Variants in AGAP1 observed in about 807,000 individuals in gnomAD.
AGAP1 encodes the protein ArfGAP with GTPase domain, ankyrin repeat and PH domain 1.
Under a neutral mutation model 105.3 loss-of-function variants are expected in AGAP1, and 29 were observed. That is an observed-to-expected ratio of 0.28 (90% confidence interval 0.21 to 0.38). The LOEUF (loss-of-function observed/expected upper bound fraction) is 0.38. Among genes scored for constraint, AGAP1 ranks in the 10% least tolerant of loss-of-function variants. AGAP1 has a pLI of 1.00. For synonymous variants in AGAP1, 509 were observed against 485.9 expected (o/e 1.05, Z -0.63); for missense variants, 998 against 1,165.1 (o/e 0.86, Z 2.09).
At position 236,121,268 on chromosome 2, in the gene AGAP1, C is replaced by T. The variant is rs965592887; in HGVS notation, c.2370+821C>T. Among the ~76,000 whole-genome samples, 3 of 152,212 alleles carry T rather than the reference C, an allele frequency of 2.0e-5. No individual in the cohort carries two copies. The highest frequency in any genetic ancestry group is 7.2e-5 in the African/African-American group (3 of 41,464). On this transcript the variant is annotated intron_variant, in intron 17 of 17. Transcript: ENST00000304032. This position sits in a 1 kb window ranked among gnomAD's most constrained non-coding sequence, Gnocchi z 4.9. ...GTTCTACAGCAGCATGGGTAGAGTG[C>T]AGCAGGTTTCTGCATGTTTTTGATC... is the stretch of plus-strand genomic sequence containing the variant.
At position 235,976,585 on chromosome 2, in the gene AGAP1, A is replaced by G. The variant is rs1575946245; in HGVS notation, c.1645+7962A>G. The stretch of plus-strand genomic sequence containing the variant: ...CCACACACAAACTTAAAGGGGTTAG[A>G]TTCAGGTCCAAAAATGTTCATTGAG... On this transcript the variant is annotated intron_variant, in intron 13 of 17. Transcript: ENST00000304032. This position sits in a 1 kb window ranked among gnomAD's most constrained non-coding sequence, Gnocchi z 4.5. Among the ~76,000 whole-genome samples, 2 of 152,296 alleles carry G rather than the reference A, an allele frequency of 1.3e-5. No homozygotes were observed. The highest frequency in any genetic ancestry group is 1.3e-4 in the Admixed American group (2 of 15,294).
intron 1 of AGAP1, among the ~76,000 whole-genome samples, chr2:235,634,717 C>A (rs1470365546): frequency 6.6e-6 from 1 of 152,122 alleles, no homozygotes; most frequent in Non-Finnish European, 1.5e-5. Flanking sequence ...CATCAGATTT[C>A]TCTGTGTTCT....
intron 8 of AGAP1, among the ~76,000 whole-genome samples, chr2:235,806,534 CTCG>C (rs1356310112): frequency 6.6e-6 from 1 of 152,174 alleles, no homozygotes; most frequent in African/African-American, 2.4e-5. Flanking sequence ...GTGGCAGCCA[CTCG>C]TCGTCCGCAG....
chr2:235,617,241 G>A (rs1295812062), intron 1 of AGAP1, among the ~76,000 whole-genome samples: 7 of 152,144 alleles, frequency 4.6e-5, no homozygotes, highest in Non-Finnish European at 8.8e-5. Context: ...AGGTTAAAAT[G>A]TCCAGAGAAT....
Position 235,774,485 on chromosome 2 carries a change from G to C in AGAP1, c.674-23274G>C, listed in dbSNP as rs1955708962. 7.6e-6 allele frequency: 3 copies of C among 393,850 alleles called. No homozygotes were observed. The Admixed American group carries it at 9.9e-5, about 13-fold the overall frequency. 24.4% of individuals were successfully genotyped at this position (393,850 alleles called of 1,614,324 possible). On this transcript the variant is annotated intron_variant, in intron 6 of 17. Transcript: ENST00000304032. ...TTGGGCAAGACCAGTAGGCTAATGG[G>C]AAAATAAGATTCCAAACCTTTAAGT...
intron 11 of AGAP1, among the ~76,000 whole-genome samples, chr2:235,926,994 A>G (rs2052479458): frequency 6.6e-6 from 1 of 152,228 alleles, no homozygotes; most frequent in Non-Finnish European, 1.5e-5. Context: ...AAAATGATCA[A>G]CTAAGTAAAA....
chr2:235,849,066 T>C (rs758875896), intron 9 of AGAP1, among the ~76,000 whole-genome samples: 7 of 152,224 alleles, frequency 4.6e-5, no homozygotes, highest in Non-Finnish European at 1.0e-4. Flanking sequence ...TTATTTACCC[T>C]GTAATTCATT....
chr2:235,637,765 G>A (rs779096378), intron 1 of AGAP1, among the ~76,000 whole-genome samples: 1 of 152,146 alleles, frequency 6.6e-6, no homozygotes, highest in African/African-American at 2.4e-5. Flanking sequence ...GAATTGGTTC[G>A]TGAGATTATG....
rs1211510128 is a variant in AGAP1 at position 235,752,831 on chromosome 2, T to A, written c.673+2343T>A. Among the ~76,000 whole-genome samples, 2 of 152,210 alleles carry A rather than the reference T, an allele frequency of 1.3e-5. No homozygotes were observed. Among genetic ancestry groups the A allele is most frequent in the Non-Finnish European group, 2.9e-5 (2 of 68,040 alleles). ...ATGCTGCCTTCCTGCCAAACAGCCTTTGTACGTTCTGGCTGCTCTAACAAG... is the reference window on the plus strand; with the variant it reads ...ATGCTGCCTTCCTGCCAAACAGCCTATGTACGTTCTGGCTGCTCTAACAAG... On this transcript the variant is annotated intron_variant, in intron 6 of 17. Transcript: ENST00000304032. This position sits in a 1 kb window ranked among gnomAD's most constrained non-coding sequence, Gnocchi z 4.3.
chr2:235,674,244 A>C (rs1053584870), intron 1 of AGAP1, among the ~76,000 whole-genome samples: 4 of 152,260 alleles, frequency 2.6e-5, no homozygotes, highest in African/African-American at 9.6e-5. Flanking sequence ...GCCAGCAGAC[A>C]TTCCAGAAAG....
chr2:235,810,131 C>T (rs188368514), intron 9 of AGAP1, among the ~76,000 whole-genome samples: 23 of 152,294 alleles, frequency 1.5e-4, no homozygotes, highest in Non-Finnish European at 3.1e-4. Flanking sequence ...AAGTGAACCA[C>T]GACCTGAGAC....
intron 13 of AGAP1, among the ~76,000 whole-genome samples, chr2:235,998,649 G>A (rs1280891422): frequency 1.3e-5 from 2 of 152,210 alleles, no homozygotes; most frequent in Admixed American, 6.5e-5. Flanking sequence ...CGGTGATGAT[G>A]GTGAGAGGTG....
chr2:235,689,397 A>G lies in AGAP1; in HGVS notation c.164-19782A>G, dbSNP rs905730016. Among the ~76,000 whole-genome samples the G allele has an allele frequency of 1.2e-4, 19 of 152,238 alleles. No homozygotes were observed. Among genetic ancestry groups the G allele is most frequent in the African/African-American group, 4.6e-4 (19 of 41,460 alleles). On this transcript the variant is annotated intron_variant, in intron 1 of 17. Transcript: ENST00000304032. The surrounding 1 kb of genome is among the most constrained non-coding windows in gnomAD (Gnocchi z 4.2). Reference sequence around the variant, plus strand: ...TCTCCAGCACAATACCGGGTTAGTGAGCAGAAAGTAGTGCACTGATTATGT... The same window carrying G: ...TCTCCAGCACAATACCGGGTTAGTGGGCAGAAAGTAGTGCACTGATTATGT...
At chr2:235,570,663 A>T (rs1371726243) in intron 1 of AGAP1, among the ~76,000 whole-genome samples, 1 of 152,210 alleles carries the variant, frequency 6.6e-6, no homozygotes, top group Non-Finnish European at 1.5e-5. Flanking sequence ...CTAGTTTTTT[A>T]AAATTAAGTT....
In AGAP1 at chr2:235,626,830, C is replaced by G. The variant is rs117253565; in HGVS notation, c.164-82349C>G. 2.0e-3 allele frequency among the ~76,000 whole-genome samples: 299 copies of G among 152,288 alleles called. 5 individuals carry two copies. In the East Asian group the frequency reaches 0.048, roughly 24 times the overall value. ...ACTCTTGTAGGGAGAGGTACAGACACAAATTGGCATGGCGTGTTTCAATAA... is the reference window on the plus strand; with the variant it reads ...ACTCTTGTAGGGAGAGGTACAGACAGAAATTGGCATGGCGTGTTTCAATAA... On this transcript the variant is annotated intron_variant, in intron 1 of 17. Coordinates refer to ENST00000304032, the MANE Select transcript of AGAP1 (RefSeq NM_001037131.3).
chr2:235,770,133 C>CTTTTTTTT (rs57008190), intron 6 of AGAP1, among the ~76,000 whole-genome samples: 3 of 136,656 alleles, frequency 2.2e-5, no homozygotes, highest in South Asian at 4.5e-4. Flanking sequence ...TTCTTTGTTT[C>CTTTTTTTT]TTTTTTTTTT....
At chr2:235,783,399 T>C (rs753786860) in intron 6 of AGAP1, 3 of 471,190 alleles carry the variant, frequency 6.4e-6, no homozygotes, top group East Asian at 1.4e-4. Context: ...AGAGAAGTTA[T>C]TGATAATCAG....
At chr2:235,940,140 G>A (rs942305330) in intron 12 of AGAP1, among the ~76,000 whole-genome samples, 11 of 151,744 alleles carry the variant, frequency 7.2e-5, no homozygotes, top group African/African-American at 9.7e-5. Context: ...ACCCTCCCTC[G>A]GCCTCACCTC....
intron 9 of AGAP1, among the ~76,000 whole-genome samples, chr2:235,837,943 G>A (rs1287545917): frequency 6.6e-6 from 1 of 152,200 alleles, no homozygotes; most frequent in Admixed American, 6.5e-5. Flanking sequence ...AGCACTTTGG[G>A]AGGCTGAGGT....
Sources: allele counts gnomAD v4.1 joint callset (sites outside exome capture counted in the v4.1 genomes callset), GRCh38; gene constraint gnomAD v4.1.1; non-coding constraint Gnocchi (gnomAD v3.1); transcripts MANE v1.5; gene names NCBI Gene and HGNC (gene_info 2026-07-23, HGNC 2026-07-21).